Variants in ARHGAP10 observed in about 807,000 individuals in gnomAD.
The protein encoded by ARHGAP10 is Rho GTPase activating protein 10.
ARHGAP10 carries 87 observed loss-of-function variants against 108.6 expected under a neutral mutation model. The ratio of observed to expected loss-of-function variants is 0.80; its 90% confidence interval spans 0.67 to 0.96. ARHGAP10 has a LOEUF of 0.96. Among genes scored for constraint, ARHGAP10 ranks in the 40% least tolerant of loss-of-function variants. The pLI, the probability that ARHGAP10 is intolerant of heterozygous loss-of-function variation, is 0.00. For missense variants in ARHGAP10, 939 were observed against 954.5 expected (o/e 0.98, Z 0.21); for synonymous variants, 347 against 341.1 (o/e 1.02, Z -0.19).
intron 13 of ARHGAP10, among the ~76,000 whole-genome samples, chr4:147,924,866 G>GA: frequency 6.6e-6 from 1 of 152,306 alleles, no homozygotes; most frequent in East Asian, 1.9e-4. Context: ...TGAATAGCCA[G>GA]TAAGTGTGAG....
chr4:148,053,550 T>A (rs1167687777), intron 20 of ARHGAP10, among the ~76,000 whole-genome samples: 6 of 152,172 alleles, frequency 3.9e-5, no homozygotes, highest in Admixed American at 1.3e-4. Context: ...CCAGGCAGCA[T>A]CCATAATCTT....
intron 1 of ARHGAP10, among the ~76,000 whole-genome samples, chr4:147,749,033 G>T (rs1729042683): frequency 6.6e-6 from 1 of 152,194 alleles, no homozygotes; most frequent in African/African-American, 2.4e-5. Context: ...GACCTGTTTT[G>T]ATCTGGGCCT....
chr4:147,817,645 C>T (rs1732310763), intron 1 of ARHGAP10, among the ~76,000 whole-genome samples: 1 of 152,194 alleles, frequency 6.6e-6, no homozygotes, highest in Admixed American at 6.5e-5. Context: ...CCTACATTGT[C>T]TCTCCTATTT....
intron 18 of ARHGAP10, among the ~76,000 whole-genome samples, chr4:148,018,586 A>AG (rs1313656650): frequency 6.6e-6 from 1 of 152,038 alleles, no homozygotes; most frequent in Non-Finnish European, 1.5e-5. Flanking sequence ...AAAAAAAAAA[A>AG]AGGCTTCAGA....
At chr4:148,050,603 G>A (rs2149682698) in intron 20 of ARHGAP10, among the ~76,000 whole-genome samples, 1 of 151,694 alleles carries the variant, frequency 6.6e-6, no homozygotes, top group African/African-American at 2.4e-5. Context: ...TCGATCTCCT[G>A]ACCTCGTGAT....
At chr4:147,946,564 A>C (rs1423757074) in intron 14 of ARHGAP10, 53 bp from the exon 15 acceptor site, 1 of 1,494,368 alleles carries the variant, frequency 6.7e-7, no homozygotes, top group Non-Finnish European at 9.2e-7. Context: ...AGACAAGAGG[A>C]CCTTTGATGA....
rs1453627942 is a variant in ARHGAP10, at chr4:148,072,120, G to T, written c.*39G>T. 6.3e-7 allele frequency: 1 copy of T among 1,576,702 alleles called. No individual in the cohort carries two copies. The highest frequency in any genetic ancestry group is 1.4e-5 in the African/African-American group (1 of 73,434). ...AGCCCCTGCTGACCCTGGCACCCAGGGACCTGCCTGGGGGCAGAGAGCTGT... is the reference window on the plus strand; with the variant it reads ...AGCCCCTGCTGACCCTGGCACCCAGTGACCTGCCTGGGGGCAGAGAGCTGT... On this transcript the variant is annotated 3_prime_UTR_variant, in exon 23 of 23. Coordinates refer to ENST00000336498, the MANE Select transcript of ARHGAP10 (RefSeq NM_024605.4).
intron 8 of ARHGAP10, among the ~76,000 whole-genome samples, chr4:147,878,774 C>T (rs376608570): frequency 5.4e-4 from 67 of 124,846 alleles, no homozygotes; most frequent in African/African-American, 1.7e-3. Context: ...CCTTCTTCCT[C>T]TTTTTTTTTT....
chr4:147,909,052 G>A (rs1428517501), intron 11 of ARHGAP10, among the ~76,000 whole-genome samples: 5 of 152,228 alleles, frequency 3.3e-5, no homozygotes, highest in Admixed American at 6.5e-5. Context: ...CCCATCACAA[G>A]TCTGGACCCT....
chr4:147,738,717 A>G (rs1728531959), intron 1 of ARHGAP10, among the ~76,000 whole-genome samples: 1 of 152,188 alleles, frequency 6.6e-6, no homozygotes, highest in Admixed American at 6.5e-5. Context: ...TCTTGCCTCA[A>G]AATAGCTGTT....
intron 1 of ARHGAP10, among the ~76,000 whole-genome samples, chr4:147,820,531 C>T (rs887425737): frequency 1.3e-4 from 20 of 151,338 alleles, no homozygotes; most frequent in Non-Finnish European, 2.2e-4. Flanking sequence ...GGTGATCCAC[C>T]TGCCTTGGCC....
At chr4:147,937,077 C>T (rs1737981804) in intron 13 of ARHGAP10, among the ~76,000 whole-genome samples, 2 of 152,174 alleles carry the variant, frequency 1.3e-5, no homozygotes, top group South Asian at 4.2e-4. Context: ...TCCCCCCCAC[C>T]CCAATCGGTG....
intron 19 of ARHGAP10, 137 bp downstream of exon 19, chr4:148,023,550 C>T (rs1741654705): frequency 9.4e-7 from 1 of 1,058,920 alleles, no homozygotes; most frequent in Non-Finnish European, 1.3e-6. Flanking sequence ...TTGAGATTTA[C>T]AGGGAGGGTG....
intron 1 of ARHGAP10, among the ~76,000 whole-genome samples, chr4:147,787,029 T>A (rs1369082259): frequency 6.6e-6 from 1 of 152,210 alleles, no homozygotes; most frequent in Non-Finnish European, 1.5e-5. Flanking sequence ...TGAAGTGCTT[T>A]CTTCTCTATT....
chr4:147,846,153 G>A (rs567187652), intron 3 of ARHGAP10, among the ~76,000 whole-genome samples: 4 of 152,154 alleles, frequency 2.6e-5, no homozygotes, highest in African/African-American at 7.2e-5. Context: ...TGTGGGCATA[G>A]TCGCTTATTT....
chr4:147,995,215 T>C lies in ARHGAP10; in HGVS notation c.1717-28048T>C, dbSNP rs141453243. ...CCCATTCATTCCTCTAGGTCAGTGA[T>C]AACCAGTTTTTATGTTTCACATCCT... On this transcript the variant is annotated intron_variant, in intron 18 of 22. Transcript: ENST00000336498. Among the ~76,000 whole-genome samples, 146 of 152,356 alleles carry C rather than the reference T, an allele frequency of 9.6e-4. 1 individual carries two copies. The highest frequency in any genetic ancestry group is 3.4e-3 in the African/African-American group (142 of 41,578).
intron 1 of ARHGAP10, among the ~76,000 whole-genome samples, chr4:147,794,014 G>A (rs1415045577): frequency 6.6e-6 from 1 of 152,222 alleles, no homozygotes; most frequent in African/African-American, 2.4e-5. Flanking sequence ...ATCACAGACT[G>A]CAGTGATTGA....
At chr4:147,977,915 C>T (rs1356962354) in intron 18 of ARHGAP10, among the ~76,000 whole-genome samples, 2 of 151,544 alleles carry the variant, frequency 1.3e-5, no homozygotes, top group East Asian at 1.9e-4. Flanking sequence ...TGTAGTAGTT[C>T]GTTTTCTGTT....
intron 16 of ARHGAP10, among the ~76,000 whole-genome samples, chr4:147,956,754 T>C (rs935972641): frequency 6.6e-6 from 1 of 151,896 alleles, no homozygotes; most frequent in Non-Finnish European, 1.5e-5. Flanking sequence ...TTTTTCCTTT[T>C]TTTTTTTCTT....
Sources: allele counts gnomAD v4.1 joint callset (sites outside exome capture counted in the v4.1 genomes callset), GRCh38; gene constraint gnomAD v4.1.1; transcripts MANE v1.5; gene names NCBI Gene and HGNC (gene_info 2026-07-23, HGNC 2026-07-21).